ANO10: variants seen among roughly 807,000 people sequenced by gnomAD.
The protein encoded by ANO10 is anoctamin 10, also known as anoctamin-10.
Under a neutral mutation model 74.7 loss-of-function variants are expected in ANO10, and 77 were observed. The observed-to-expected ratio is 1.03, with a 90% CI of 0.86 to 1.25. ANO10 has a LOEUF of 1.25. Among genes scored for constraint, ANO10 ranks in the 50% most tolerant of loss-of-function variants. The pLI is 0.00. For missense variants in ANO10, 721 were observed against 778.1 expected (o/e 0.93, Z 0.87); for synonymous variants, 279 against 284.9 (o/e 0.98, Z 0.21).
intron 11 of ANO10, among the ~76,000 whole-genome samples, chr3:43,474,639 T>C (rs2075998191): frequency 6.6e-6 from 1 of 152,258 alleles, no homozygotes; most frequent in Non-Finnish European, 1.5e-5. Flanking sequence ...AAGTCAAATG[T>C]CAACTATAAT....
At chr3:43,376,343 T>TG (rs894694410) in intron 12 of ANO10, among the ~76,000 whole-genome samples, 1 of 152,170 alleles carries the variant, frequency 6.6e-6, no homozygotes, top group Non-Finnish European at 1.5e-5. Context: ...AACAGTGGGC[T>TG]GGGGGTGTCC....
At chr3:43,674,334 G>T (rs2084096175) in intron 1 of ANO10, among the ~76,000 whole-genome samples, 1 of 151,934 alleles carries the variant, frequency 6.6e-6, no homozygotes. Context: ...TTTTTTCGTA[G>T]AGATGAGGTC....
At chr3:43,592,760 A>G (rs1229373412) in intron 4 of ANO10, among the ~76,000 whole-genome samples, 1 of 152,232 alleles carries the variant, frequency 6.6e-6, no homozygotes, top group African/African-American at 2.4e-5. Flanking sequence ...GACTTTGACG[A>G]GTTGAGAGAA....
chr3:43,689,686 AC>A (rs2084326033), intron 1 of ANO10, among the ~76,000 whole-genome samples: 1 of 152,234 alleles, frequency 6.6e-6, no homozygotes, highest in Admixed American at 6.5e-5. Flanking sequence ...AAAAGCTGTA[AC>A]AATTACACAA....
chr3:43,639,801 A>G (rs558363375), intron 1 of ANO10, among the ~76,000 whole-genome samples: 1 of 152,240 alleles, frequency 6.6e-6, no homozygotes, highest in Admixed American at 6.5e-5. Context: ...GAAAGAAAGA[A>G]AAAGAAAATG....
chr3:43,677,286 C>T (rs1335067150), intron 1 of ANO10, among the ~76,000 whole-genome samples: 9 of 152,146 alleles, frequency 5.9e-5, no homozygotes, highest in African/African-American at 1.7e-4. Flanking sequence ...TGGGAGCTCA[C>T]GCCTGTAATC....
chr3:43,549,773 C>T lies in ANO10; in HGVS notation c.1744G>A (p.Ala582Thr), dbSNP rs757587376. Reference sequence around the variant, plus strand: ...TCTGCTTTTGATTCTGGAAAGACTGCATTCACTTGTGGTGACATTCCAATC... The same window carrying T: ...TCTGCTTTTGATTCTGGAAAGACTGTATTCACTTGTGGTGACATTCCAATC... ...ALIGMSPQVNAVFPESKADLI... is the reference protein window; with the variant it reads ...ALIGMSPQVNTVFPESKADLI... Residue 582 changes from alanine to threonine, a missense_variant, in exon 11 of 13, where the codon GCA becomes ACA. Ala to Thr is a moderately conservative substitution (Grantham distance 58, BLOSUM62 0). Coordinates refer to ENST00000292246, the MANE Select transcript of ANO10 (RefSeq NM_018075.5). 3 of 1,614,036 alleles carry T rather than the reference C, an allele frequency of 1.9e-6. No homozygotes were observed. Among genetic ancestry groups the T allele is most frequent in the South Asian group, 2.2e-5 (2 of 91,078 alleles).
intron 11 of ANO10, among the ~76,000 whole-genome samples, chr3:43,507,198 A>T (rs2077328525): frequency 6.6e-6 from 1 of 152,200 alleles, no homozygotes; most frequent in South Asian, 2.1e-4. Context: ...TCCATACAGC[A>T]AGGAAAGTCA....
At chr3:43,684,837 A>C (rs1463526965) in intron 1 of ANO10, among the ~76,000 whole-genome samples, 1 of 152,188 alleles carries the variant, frequency 6.6e-6, no homozygotes, top group Non-Finnish European at 1.5e-5. Flanking sequence ...AAGGACAAAA[A>C]ACCAAACACC....
At chr3:43,424,538 G>A (rs1388850634) in intron 12 of ANO10, 1 of 152,086 alleles carries the variant, frequency 6.6e-6, no homozygotes, top group Non-Finnish European at 1.5e-5. Flanking sequence ...TTGCATTTCT[G>A]AGGACTGATG....
intron 12 of ANO10, among the ~76,000 whole-genome samples, chr3:43,370,169 T>A (rs866207109): frequency 1.8e-4 from 28 of 152,214 alleles, no homozygotes; most frequent in African/African-American, 5.1e-4. Flanking sequence ...CCCTCCCCGA[T>A]GGGGAAGTGG....
chr3:43,391,870 T>C (rs11715896), intron 12 of ANO10, among the ~76,000 whole-genome samples: 57,083 of 152,046 alleles, frequency 0.38, 11,027 homozygotes, highest in Middle Eastern at 0.43. Context: ...AAGCCATGTG[T>C]AGATTCAAAG....
chr3:43,565,894 G>A (rs1008616382), intron 7 of ANO10, among the ~76,000 whole-genome samples, 167 bp from the exon 8 acceptor site: 11 of 152,268 alleles, frequency 7.2e-5, no homozygotes, highest in Admixed American at 3.3e-4. Context: ...CGCAGAAGAC[G>A]GGTGATTTCT....
At chr3:43,501,731 T>C (rs1189908072) in intron 11 of ANO10, among the ~76,000 whole-genome samples, 1 of 152,194 alleles carries the variant, frequency 6.6e-6, no homozygotes, top group Non-Finnish European at 1.5e-5. Context: ...TGACTGATAT[T>C]CTGCTGAATG....
At chr3:43,580,692 C>T (rs2081227684) in intron 4 of ANO10, among the ~76,000 whole-genome samples, 1 of 152,042 alleles carries the variant, frequency 6.6e-6, no homozygotes, top group East Asian at 1.9e-4. Context: ...AAATTTTAAA[C>T]CATATAGAAG....
At chr3:43,589,666 T>C (rs955505590) in intron 4 of ANO10, among the ~76,000 whole-genome samples, 2 of 152,144 alleles carry the variant, frequency 1.3e-5, no homozygotes, top group Non-Finnish European at 2.9e-5. Context: ...TAGAGAGCAA[T>C]TTGGCAGTAT....
chr3:43,564,853 G>A lies in ANO10; in HGVS notation c.1293+800C>T, dbSNP rs542285017. Reference sequence around the variant, plus strand: ...TGGTATTACAACTGTTTTTTTAAGCGGTCCTCCTCCATTCCCCTATCTTCT... The same window carrying A: ...TGGTATTACAACTGTTTTTTTAAGCAGTCCTCCTCCATTCCCCTATCTTCT... On this transcript the variant is annotated intron_variant, in intron 8 of 12. Coordinates refer to ENST00000292246, the MANE Select transcript of ANO10 (RefSeq NM_018075.5). Among the ~76,000 whole-genome samples the A allele has an allele frequency of 5.3e-5, 8 of 152,026 alleles. No homozygotes were observed. In the South Asian group the frequency reaches 6.2e-4, roughly 12 times the overall value.
chr3:43,446,548 G>T (rs919202340), intron 11 of ANO10, among the ~76,000 whole-genome samples: 1 of 152,062 alleles, frequency 6.6e-6, no homozygotes. Flanking sequence ...CTGGTTTATG[G>T]TTTATTACTT....
chr3:43,551,909 G>A (rs1265890288), intron 10 of ANO10, among the ~76,000 whole-genome samples: 1 of 152,130 alleles, frequency 6.6e-6, no homozygotes, highest in Non-Finnish European at 1.5e-5. Flanking sequence ...ATTGTTGTTT[G>A]ACCATTTACA....
Sources: allele counts gnomAD v4.1 joint callset (sites outside exome capture counted in the v4.1 genomes callset), GRCh38; gene constraint gnomAD v4.1.1; transcripts MANE v1.5; gene names NCBI Gene and HGNC (gene_info 2026-07-23, HGNC 2026-07-21).